The following L3MBTL3 variants were observed in gnomAD, a reference collection of about 807,000 sequenced individuals.
L3MBTL3 encodes L3MBTL histone methyl-lysine binding protein 3.
Under a neutral mutation model 102.3 loss-of-function variants are expected in L3MBTL3, and 27 were observed. The observed-to-expected ratio is 0.26, with a 90% CI of 0.19 to 0.36. The LOEUF (loss-of-function observed/expected upper bound fraction) is 0.36. L3MBTL3 is among the 10% of genes least tolerant of loss of function. The pLI, the probability that L3MBTL3 is intolerant of heterozygous loss-of-function variation, is 1.00. For missense variants in L3MBTL3, 798 were observed against 955.3 expected (o/e 0.84, Z 2.17); for synonymous variants, 340 against 320.9 (o/e 1.06, Z -0.64).
chr6:130,137,834 T>C (rs1202303499), intron 22 of L3MBTL3: 1 of 152,258 alleles, frequency 6.6e-6, no homozygotes, highest in Non-Finnish European at 1.5e-5. Flanking sequence ...TTGAGCGAAG[T>C]GTTAATAGAT....
intron 19 of L3MBTL3, among the ~76,000 whole-genome samples, chr6:130,116,340 A>G (rs1305468170): frequency 1.3e-5 from 2 of 152,180 alleles, no homozygotes; most frequent in Non-Finnish European, 2.9e-5. Flanking sequence ...TGAGAATTAG[A>G]CAAATTAAGT....
At chr6:130,025,424 CTG>C (rs904168045) in intron 2 of L3MBTL3, among the ~76,000 whole-genome samples, 2 of 152,122 alleles carry the variant, frequency 1.3e-5, no homozygotes, top group African/African-American at 4.8e-5. Context: ...TTTGTATTGA[CTG>C]TGGCAGCTAT....
At chr6:130,037,427 A>G (rs1355853945) in intron 2 of L3MBTL3, among the ~76,000 whole-genome samples, 4 of 149,958 alleles carry the variant, frequency 2.7e-5, no homozygotes, top group Non-Finnish European at 5.9e-5. Flanking sequence ...CTGTCTATCA[A>G]AAAAAAAAAG....
chr6:130,045,403 G>A (rs1166800064), intron 3 of L3MBTL3, among the ~76,000 whole-genome samples: 1 of 152,098 alleles, frequency 6.6e-6, no homozygotes, highest in Non-Finnish European at 1.5e-5. Flanking sequence ...GGTGCAGTAG[G>A]GGAAAGAATA....
At chr6:130,090,490 C>G (rs1181118031) in intron 16 of L3MBTL3, among the ~76,000 whole-genome samples, 1 of 152,182 alleles carries the variant, frequency 6.6e-6, no homozygotes, top group Non-Finnish European at 1.5e-5. Context: ...AAAATGTGAA[C>G]ATTTTTAACA....
At chr6:130,089,914 C>G (rs1283158362) in intron 16 of L3MBTL3, among the ~76,000 whole-genome samples, 4 of 151,312 alleles carry the variant, frequency 2.6e-5, no homozygotes, top group Non-Finnish European at 5.9e-5. Context: ...AACACTCTAT[C>G]TTTTTCTTTT....
In L3MBTL3 at chr6:130,049,261, T is replaced by TC. The variant is rs201817568; in HGVS notation, c.103-21_103-20insC. 8 of 1,528,178 alleles carry TC rather than the reference T, an allele frequency of 5.2e-6. 1 individual carries two copies. In the South Asian group the frequency reaches 5.7e-5, roughly 11 times the overall value. The allele number at this position is 1,528,178 out of a possible 1,614,324, so 94.7% of individuals were successfully genotyped here. On this transcript the variant is annotated intron_variant, in intron 3 of 22. Transcript: ENST00000361794. Reference sequence around the variant, plus strand: ...TCCTGAGCACTTTTTAAATTTTGCCTTTCTGCTGTGTTGTTGCTAGTTTCG... The same window carrying TC: ...TCCTGAGCACTTTTTAAATTTTGCCTCTTCTGCTGTGTTGTTGCTAGTTTCG...
chr6:130,029,811 C>T (rs1025008729), intron 2 of L3MBTL3, among the ~76,000 whole-genome samples: 1 of 152,106 alleles, frequency 6.6e-6, no homozygotes, highest in Non-Finnish European at 1.5e-5. Context: ...GAGCCCCTCC[C>T]CTCCCCTGCC....
intron 18 of L3MBTL3, among the ~76,000 whole-genome samples, chr6:130,094,623 A>G (rs1408573467): frequency 1.3e-5 from 2 of 152,164 alleles, no homozygotes; most frequent in African/African-American, 4.8e-5. Context: ...TAGATTTACA[A>G]ATAGTTAGTT....
At chr6:130,132,284 T>A (rs1787133972) in intron 20 of L3MBTL3, among the ~76,000 whole-genome samples, 1 of 151,962 alleles carries the variant, frequency 6.6e-6, no homozygotes, top group Non-Finnish European at 1.5e-5. Flanking sequence ...TAAATACAAT[T>A]CAAAAAAGGG....
intron 10 of L3MBTL3, among the ~76,000 whole-genome samples, chr6:130,063,892 G>A (rs140309104): frequency 3.2e-4 from 49 of 152,318 alleles, no homozygotes; most frequent in South Asian, 2.1e-3. Flanking sequence ...ACTGAAACAG[G>A]AAGGTAAAGC....
chr6:130,036,473 C>T (rs951356703), intron 2 of L3MBTL3, among the ~76,000 whole-genome samples: 1 of 152,148 alleles, frequency 6.6e-6, no homozygotes, highest in Admixed American at 6.5e-5. Flanking sequence ...TGTTTTCAGG[C>T]AGAGTACACT....
Position 130,049,285 on chromosome 6 carries a change from C to T in L3MBTL3, c.106C>T (p.Arg36Trp), listed in dbSNP as rs988382680. 4 of 1,604,682 alleles carry T rather than the reference C, an allele frequency of 2.5e-6. No individual in the cohort carries two copies. The highest frequency in any genetic ancestry group is 2.2e-5 in the South Asian group (2 of 89,960). Residue 36 changes from arginine to tryptophan, a missense_variant, in exon 4 of 23, where the codon CGG becomes TGG. Physicochemically the swap from Arg to Trp is moderately radical, Grantham distance 101. Coordinates refer to ENST00000361794, the MANE Select transcript of L3MBTL3 (RefSeq NM_032438.4). The part of the protein sequence containing the change: ...GTLPGSDLKF[R>W]VNEFGALEVI... ...CTTTCTGCTGTGTTGTTGCTAGTTT[C>T]GGGTAAATGAGTTTGGAGCCCTGGA...
chr6:130,061,786 C>T (rs1193941662), intron 10 of L3MBTL3, among the ~76,000 whole-genome samples: 1 of 152,066 alleles, frequency 6.6e-6, no homozygotes, highest in Non-Finnish European at 1.5e-5. Flanking sequence ...AGAATACCAT[C>T]ATCTAAGAGG....
Position 130,139,830 on chromosome 6 carries a change from C to T in L3MBTL3, c.*77C>T. The T allele has an allele frequency of 4.3e-6, 6 of 1,386,342 alleles. No individual in the cohort carries two copies. The highest frequency in any genetic ancestry group is 6.0e-6 in the Non-Finnish European group (6 of 998,098). 85.9% of individuals were successfully genotyped at this position (1,386,342 alleles called of 1,614,324 possible). A position where few individuals can be genotyped will look rare whatever the true frequency, so the allele number is the denominator to read the frequency against. On this transcript the variant is annotated 3_prime_UTR_variant, in exon 23 of 23. Coordinates refer to ENST00000361794, the MANE Select transcript of L3MBTL3 (RefSeq NM_032438.4). ...ATTCAAAGCACAAGGACGGTTATAACTCCTAAGTGAGAAGTCTCCAAAACT... is the reference window on the plus strand; with the variant it reads ...ATTCAAAGCACAAGGACGGTTATAATTCCTAAGTGAGAAGTCTCCAAAACT...
At chr6:130,089,941 T>C (rs2115194926) in intron 16 of L3MBTL3, among the ~76,000 whole-genome samples, 1 of 152,274 alleles carries the variant, frequency 6.6e-6, no homozygotes, top group Non-Finnish European at 1.5e-5. Flanking sequence ...GAACTCTTTC[T>C]CATACTCAGC....
chr6:130,112,257 G>T (rs566400877), intron 19 of L3MBTL3, among the ~76,000 whole-genome samples: 1 of 152,130 alleles, frequency 6.6e-6, no homozygotes, highest in Non-Finnish European at 1.5e-5. Flanking sequence ...CTTACTCTCC[G>T]AGTTGCCCTA....
At chr6:130,136,891 T>TA (rs1475415214) in intron 22 of L3MBTL3, among the ~76,000 whole-genome samples, 2 of 152,192 alleles carry the variant, frequency 1.3e-5, no homozygotes, top group Admixed American at 1.3e-4. Context: ...GTGCTGCAAT[T>TA]ACACTCATGA....
intron 13 of L3MBTL3, 32 bp downstream of exon 13, chr6:130,071,159 A>C (rs764227533): frequency 2.4e-5 from 38 of 1,577,458 alleles, no homozygotes; most frequent in Non-Finnish European, 7.8e-6. Context: ...GCTTTTAAAA[A>C]TTTAATATTT....
Sources: allele counts gnomAD v4.1 joint callset (sites outside exome capture counted in the v4.1 genomes callset), GRCh38; gene constraint gnomAD v4.1.1; transcripts MANE v1.5; gene names NCBI Gene and HGNC (gene_info 2026-07-23, HGNC 2026-07-21).